Variants in PTPRM observed in about 807,000 individuals in gnomAD.
PTPRM encodes the protein receptor-type tyrosine-protein phosphatase mu.
A neutral mutation model predicts 186.7 loss-of-function variants in PTPRM; 47 were observed. That is an observed-to-expected ratio of 0.25 (90% CI 0.20 to 0.32). The LOEUF is 0.32. Among genes scored for constraint, PTPRM ranks in the 10% least tolerant of loss-of-function variants. The pLI is 1.00. For synonymous variants in PTPRM, 668 were observed against 674.9 expected (o/e 0.99, Z 0.16); for missense variants, 1,494 against 1,865.0 (o/e 0.80, Z 3.66).
chr18:8,361,942 T>C (rs2095599570), intron 23 of PTPRM, among the ~76,000 whole-genome samples: 1 of 152,218 alleles, frequency 6.6e-6, no homozygotes, highest in Non-Finnish European at 1.5e-5. Flanking sequence ...ATATCGTGTG[T>C]GTGTTTCAAG....
intron 3 of PTPRM, among the ~76,000 whole-genome samples, chr18:7,894,640 G>T (rs992740890): frequency 1.3e-5 from 2 of 151,724 alleles, no homozygotes; most frequent in African/African-American, 4.8e-5. Flanking sequence ...AGTATTATGT[G>T]TGCATGGATA....
At chr18:8,376,284 A>G (rs1280007295) in intron 25 of PTPRM, 84 bp downstream of exon 25, 7 of 1,554,414 alleles carry the variant, frequency 4.5e-6, no homozygotes, top group Non-Finnish European at 6.1e-6. Flanking sequence ...AGTATGTTTT[A>G]GAACTTCAGA....
intron 3 of PTPRM, among the ~76,000 whole-genome samples, chr18:7,892,684 A>G (rs922033177): frequency 5.9e-5 from 9 of 152,230 alleles, no homozygotes; most frequent in East Asian, 1.9e-4. Context: ...ACAAAATACC[A>G]CAGGACTGTA....
chr18:7,834,992 C>CTTTTTTTTTTTTTTTTTTTTTTTGTTT (rs57839485), intron 2 of PTPRM, among the ~76,000 whole-genome samples: 2 of 85,258 alleles, frequency 2.3e-5, no homozygotes, highest in Non-Finnish European at 4.6e-5. Context: ...TTATTTGGAT[C>CTTTTTTTTTTTTTTTTTTTTTTTGTTT]TTTTTTTTTT....
At chr18:7,718,069 A>T (rs1175883479) in intron 1 of PTPRM, among the ~76,000 whole-genome samples, 1 of 151,978 alleles carries the variant, frequency 6.6e-6, no homozygotes, top group Non-Finnish European at 1.5e-5. Flanking sequence ...AAAAAAATTT[A>T]AATTCATATG....
At chr18:8,314,754 T>C (rs2095295873) in intron 20 of PTPRM, 27 bp from the exon 21 acceptor site, 1 of 1,592,772 alleles carries the variant, frequency 6.3e-7, no homozygotes, top group South Asian at 1.1e-5. Context: ...TTGTTAATCG[T>C]TATTTTCTGT....
intron 13 of PTPRM, among the ~76,000 whole-genome samples, chr18:8,133,942 A>C (rs1452887312): frequency 6.6e-6 from 1 of 152,154 alleles, no homozygotes; most frequent in Non-Finnish European, 1.5e-5. Flanking sequence ...AGAGAAATAG[A>C]TGGCAGTGAG....
chr18:7,884,938 A>AC, intron 2 of PTPRM, among the ~76,000 whole-genome samples: 1 of 150,240 alleles, frequency 6.7e-6, no homozygotes, highest in South Asian at 2.1e-4. Context: ...AAAAAAAAAA[A>AC]AAAAAAAAAA....
At chr18:7,830,935 T>C (rs1391647335) in intron 2 of PTPRM, among the ~76,000 whole-genome samples, 1 of 152,222 alleles carries the variant, frequency 6.6e-6, no homozygotes, top group Non-Finnish European at 1.5e-5. Context: ...GTTTTTGGTG[T>C]AGGATATGGA....
At position 7,668,628 on chromosome 18, in the gene PTPRM, G is replaced by A. The variant is rs944335350; in HGVS notation, c.73+100737G>A. 2.6e-5 allele frequency among the ~76,000 whole-genome samples: 4 copies of A among 152,166 alleles called. No individual in the cohort carries two copies. The highest frequency in any genetic ancestry group is 9.6e-5 in the African/African-American group (4 of 41,528). ...CACCTCTGTGACCTTCTGTCTCTCTGCCCCTCATGCAGCTGCCTCCTGCCA... is the reference window on the plus strand; with the variant it reads ...CACCTCTGTGACCTTCTGTCTCTCTACCCCTCATGCAGCTGCCTCCTGCCA... On this transcript the variant is annotated intron_variant, in intron 1 of 32. Transcript: ENST00000580170. The surrounding 1 kb of genome is among the most constrained non-coding windows in gnomAD (Gnocchi z 4.7).
chr18:7,992,698 A>G (rs756355748), intron 7 of PTPRM, among the ~76,000 whole-genome samples: 2 of 152,142 alleles, frequency 1.3e-5, no homozygotes, highest in Non-Finnish European at 1.5e-5. Flanking sequence ...AAAACATTGT[A>G]TATCAAAACC....
intron 5 of PTPRM, among the ~76,000 whole-genome samples, chr18:7,939,027 C>A (rs1339224485): frequency 6.6e-6 from 1 of 151,960 alleles, no homozygotes; most frequent in Non-Finnish European, 1.5e-5. Context: ...AACTTATGGG[C>A]TATATAAAGG....
chr18:8,238,027 A>G (rs557736466), intron 14 of PTPRM, among the ~76,000 whole-genome samples: 3 of 148,732 alleles, frequency 2.0e-5, no homozygotes, highest in African/African-American at 7.4e-5. Context: ...ATTTTTTGGC[A>G]TTTATCCTGC....
intron 1 of PTPRM, among the ~76,000 whole-genome samples, chr18:7,616,378 T>C (rs1684345089): frequency 6.6e-6 from 1 of 152,082 alleles, no homozygotes; most frequent in South Asian, 2.1e-4. Flanking sequence ...CTTGGGGTCT[T>C]GAACTTCTGG....
rs1315947647 is a variant in PTPRM, at chr18:8,240,645, GAGAGAGAGAA to G, written c.2301-3409_2301-3400del. Among the ~76,000 whole-genome samples, 25 of 36,148 alleles carry G rather than the reference GAGAGAGAGAA, an allele frequency of 6.9e-4. 1 individual carries two copies. Among genetic ancestry groups the G allele is most frequent in the African/African-American group, 2.5e-3 (18 of 7,186 alleles). 23.7% of individuals were successfully genotyped at this position (36,148 alleles called of 152,430 possible). A position where few individuals can be genotyped will look rare whatever the true frequency, so the allele number is the denominator to read the frequency against. ...AGAGAGAGAGAGAGAGAGAGAGAGA[GAGAGAGAGAA>G]AGAAAGAAAGAAAGAAAGAAAGAAA... On this transcript the variant is annotated intron_variant, in intron 14 of 32. Coordinates refer to ENST00000580170, the MANE Select transcript of PTPRM (RefSeq NM_001105244.2).
intron 23 of PTPRM, among the ~76,000 whole-genome samples, chr18:8,364,484 C>A (rs566771217): frequency 6.6e-6 from 1 of 152,274 alleles, no homozygotes; most frequent in East Asian, 1.9e-4. Context: ...ATATTTTATT[C>A]CTGTGAGACC....
At position 7,968,451 on chromosome 18, in the gene PTPRM, T is replaced by A. The variant is rs1326964600; in HGVS notation, c.1132+13037T>A. On this transcript the variant is annotated intron_variant, in intron 7 of 32. Transcript: ENST00000580170. ...ATAATGACAGGATCAAATTCACACA[T>A]AACAATATTAACTTTAAATATAAAT... 2.8e-5 allele frequency among the ~76,000 whole-genome samples: 3 copies of A among 108,576 alleles called. No homozygotes were observed. In the Admixed American group the frequency reaches 2.9e-4, roughly 11 times the overall value. 71.2% of individuals were successfully genotyped at this position (108,576 alleles called of 152,430 possible).
intron 31 of PTPRM, among the ~76,000 whole-genome samples, chr18:8,393,995 GT>G (rs756798180): frequency 2.0e-5 from 3 of 152,234 alleles, no homozygotes; most frequent in Admixed American, 1.3e-4. Context: ...GTTTCACCGT[GT>G]TTAGCCAGGA....
In PTPRM at chr18:8,115,361, T is replaced by C. The variant is rs542894382; in HGVS notation, c.2167+534T>C. Among the ~76,000 whole-genome samples, 86 of 152,264 alleles carry C rather than the reference T, an allele frequency of 5.6e-4. 1 individual carries two copies. The highest frequency in any genetic ancestry group is 6.5e-4 in the Non-Finnish European group (44 of 68,014). ...TTTCCCAAGCCTGGTTAAAACTCTC[T>C]GAGAGAATGTGATAGAGGATGAGCT... On this transcript the variant is annotated intron_variant, in intron 13 of 32. Coordinates refer to ENST00000580170, the MANE Select transcript of PTPRM (RefSeq NM_001105244.2).
Sources: allele counts gnomAD v4.1 joint callset (sites outside exome capture counted in the v4.1 genomes callset), GRCh38; gene constraint gnomAD v4.1.1; non-coding constraint Gnocchi (gnomAD v3.1); transcripts MANE v1.5; gene names NCBI Gene and HGNC (gene_info 2026-07-23, HGNC 2026-07-21).